The following EPS15L1 variants were observed in gnomAD, a reference collection of about 807,000 sequenced individuals.
The protein encoded by EPS15L1 is epidermal growth factor receptor substrate 15-like 1.
In EPS15L1, 43 loss-of-function variants were observed where a neutral mutation model predicts 117.1. That is an observed-to-expected ratio of 0.37 (90% CI 0.29 to 0.47). The LOEUF is 0.47. Among genes scored for constraint, EPS15L1 ranks in the 20% least tolerant of loss-of-function variants. EPS15L1 has a pLI of 0.99. For missense variants in EPS15L1, 981 were observed against 1,164.0 expected, an observed-to-expected ratio of 0.84 and a Z score of 2.29; for synonymous variants, 459 against 470.5, an observed-to-expected ratio of 0.98 and a Z score of 0.32.
chr19:16,379,632 C>T (rs2092337905), intron 21 of EPS15L1, among the ~76,000 whole-genome samples: 1 of 152,016 alleles, frequency 6.6e-6, no homozygotes, highest in African/African-American at 2.4e-5. Flanking sequence ...CACACTGACA[C>T]GGCCATCTAG....
intron 1 of EPS15L1, among the ~76,000 whole-genome samples, chr19:16,444,063 CA>C (rs545605173): frequency 2.6e-3 from 98 of 37,706 alleles, no homozygotes; most frequent in South Asian, 6.2e-3. Context: ...GACTCCGTCT[CA>C]AAAAAAAAAA....
intron 23 of EPS15L1, chr19:16,358,361 G>C (rs2092009934): frequency 6.5e-6 from 1 of 152,708 alleles, no homozygotes; most frequent in Non-Finnish European, 1.5e-5. Context: ...GGACTCCGCA[G>C]CTCCCTCTGT....
chr19:16,413,148 C>T (rs1474845704), intron 13 of EPS15L1: 2 of 664,944 alleles, frequency 3.0e-6, no homozygotes, highest in Non-Finnish European at 2.8e-6. Flanking sequence ...CACTGCCATC[C>T]GCAGGGCCAT....
At position 16,355,362 on chromosome 19, in the gene EPS15L1, G is replaced by A; in HGVS notation, c.*343C>T. ...GGGAGGGCGGGTGGGGATGTCTGCA[G>A]CTATGAGTAGGGAGGAGGCGGGGAA... On this transcript the variant is annotated 3_prime_UTR_variant, in exon 24 of 24. Coordinates refer to ENST00000455140, the MANE Select transcript of EPS15L1 (RefSeq NM_001258374.3). 1 of 286,960 alleles carries A rather than the reference G, an allele frequency of 3.5e-6. No homozygotes were observed. The highest frequency in any genetic ancestry group is 6.6e-6 in the Non-Finnish European group (1 of 152,280). The allele number at this position is 286,960 out of a possible 1,614,324, so 17.8% of individuals were successfully genotyped here. A position where few individuals can be genotyped will look rare whatever the true frequency, so the allele number is the denominator to read the frequency against.
In EPS15L1 at chr19:16,380,921, G is replaced by A. The variant is rs376221984; in HGVS notation, c.2248-3667C>T. ...CCCGTCACAGAGATATGGCTGCCTC[G>A]GACCTTGTGTAGTCCTAGAGTCGAG... is the stretch of plus-strand genomic sequence containing the variant. On this transcript the variant is annotated intron_variant, in intron 21 of 23. Coordinates refer to ENST00000455140, the MANE Select transcript of EPS15L1 (RefSeq NM_001258374.3). 4.1e-4 allele frequency among the ~76,000 whole-genome samples: 62 copies of A among 152,190 alleles called. 1 individual carries two copies. The highest frequency in any genetic ancestry group is 1.1e-3 in the African/African-American group (44 of 41,452).
intron 17 of EPS15L1, 139 bp downstream of exon 17, chr19:16,395,201 CAAAA>C (rs368177768): frequency 8.1e-3 from 3,685 of 455,000 alleles, no homozygotes; most frequent in South Asian, 0.014. Context: ...AGTTCGTCTC[CAAAA>C]AAAAAAAAAA....
chr19:16,455,618 C>T (rs991788986), intron 1 of EPS15L1, among the ~76,000 whole-genome samples: 20 of 152,220 alleles, frequency 1.3e-4, no homozygotes, highest in Admixed American at 2.0e-4. Context: ...ATGTGGAGGT[C>T]AACAGTGCTG....
intron 12 of EPS15L1, 73 bp downstream of exon 12, chr19:16,417,479 G>A: frequency 7.6e-7 from 1 of 1,308,592 alleles, no homozygotes; most frequent in African/African-American, 1.4e-5. Flanking sequence ...GTGAGCCTCT[G>A]ATATTTCCGA....
In EPS15L1 at chr19:16,404,525, G is replaced by A; in HGVS notation, c.1428+63C>T. The A allele has an allele frequency of 6.3e-7, 1 of 1,577,870 alleles. No homozygotes were observed. ...GTGTTCCCAGGTAACACGAGCTCAGGGGAGTCCTTGGGAAGCCCCTGCCTG... is the reference window on the plus strand; with the variant it reads ...GTGTTCCCAGGTAACACGAGCTCAGAGGAGTCCTTGGGAAGCCCCTGCCTG... On this transcript the variant is annotated intron_variant, in intron 14 of 23. Coordinates refer to ENST00000455140, the MANE Select transcript of EPS15L1 (RefSeq NM_001258374.3). The surrounding 1 kb of genome is among the most constrained non-coding windows in gnomAD (Gnocchi z 4.2).
intron 23 of EPS15L1, among the ~76,000 whole-genome samples, chr19:16,359,141 A>G (rs946258767): frequency 6.6e-6 from 1 of 152,192 alleles, no homozygotes; most frequent in Non-Finnish European, 1.5e-5. Flanking sequence ...GCTCCTGCAC[A>G]GGTAAAAACA....
At chr19:16,419,426 T>C (rs1443948768) in intron 10 of EPS15L1, among the ~76,000 whole-genome samples, 2 of 151,344 alleles carry the variant, frequency 1.3e-5, no homozygotes, top group Non-Finnish European at 2.9e-5. Flanking sequence ...GCCAATGCGC[T>C]CCAGCCTGGG....
At position 16,425,303 on chromosome 19, in the gene EPS15L1, A is replaced by C. The variant is rs1472347640; in HGVS notation, c.572T>G (p.Val191Gly). Residue 191 changes from valine (V) to glycine (G), a missense_variant, in exon 9 of 24, where the codon GTG (valine) becomes GGG (glycine). This residue lies in a region of EPS15L1 where 819 missense variants were observed against 949.0 expected (regional missense o/e 0.86). Transcript: ENST00000455140. The stretch of plus-strand genomic sequence containing the variant: ...GGGCTCCTTCTCCAGGGCTCGGTAC[A>C]CCAAGTGCATGGCCTGCAGGTGCAA... ...RDEFAVAMHL[V>G]YRALEKEPVP... 4.4e-6 allele frequency: 7 copies of C among 1,596,662 alleles called. No individual in the cohort carries two copies. Among genetic ancestry groups the C allele is most frequent in the Non-Finnish European group, 6.0e-6 (7 of 1,170,978 alleles).
chr19:16,393,538 A>G (rs2092504483), intron 18 of EPS15L1, among the ~76,000 whole-genome samples: 1 of 150,978 alleles, frequency 6.6e-6, no homozygotes, highest in African/African-American at 2.4e-5. Context: ...AGTCCCAGCT[A>G]CTTGGGAGGC....
At chr19:16,465,980 TTATC>T (rs2093301416) in intron 1 of EPS15L1, among the ~76,000 whole-genome samples, 1 of 151,018 alleles carries the variant, frequency 6.6e-6, no homozygotes, top group Admixed American at 6.6e-5. Flanking sequence ...TGGCCTCACT[TTATC>T]TATTTTTTTT....
chr19:16,402,099 C>T, intron 16 of EPS15L1: 1 of 1,321,884 alleles, frequency 7.6e-7, no homozygotes, highest in Non-Finnish European at 9.6e-7. Context: ...AGGATCCAGG[C>T]CTATCTTGGA....
chr19:16,415,719 C>G (rs2092752213), intron 12 of EPS15L1, among the ~76,000 whole-genome samples: 1 of 152,240 alleles, frequency 6.6e-6, no homozygotes, highest in African/African-American at 2.4e-5. Context: ...CACACACCAG[C>G]CTGTCACCTC....
At chr19:16,457,344 G>A (rs916840676) in intron 1 of EPS15L1, among the ~76,000 whole-genome samples, 2 of 152,196 alleles carry the variant, frequency 1.3e-5, no homozygotes, top group Non-Finnish European at 2.9e-5. Flanking sequence ...AGACAGGATG[G>A]AGGGCCAGTC....
Position 16,434,456 on chromosome 19 carries a change from T to C in EPS15L1, c.407A>G (p.Glu136Gly). ...EEKAKFDGIF[E>G]SLLPINGLLS... ...CAAACCATTGATGGGCAAGAGGCTTTCAAAAATCCCATCAAATTTGGCCTT... is the reference window on the plus strand; with the variant it reads ...CAAACCATTGATGGGCAAGAGGCTTCCAAAAATCCCATCAAATTTGGCCTT... Residue 136 changes from glutamate to glycine, a missense_variant, in exon 7 of 24, where the codon GAA (glutamate) becomes GGA (glycine). Glu to Gly is a moderately conservative substitution (Grantham distance 98). Transcript: ENST00000455140. 1 of 1,613,986 alleles carries C rather than the reference T, an allele frequency of 6.2e-7. No homozygotes were observed. The highest frequency in any genetic ancestry group is 8.5e-7 in the Non-Finnish European group (1 of 1,179,978).
Position 16,471,606 on chromosome 19 carries a change from C to T in EPS15L1, c.33+307G>A, listed in dbSNP as rs1389744339. Among the ~76,000 whole-genome samples the T allele has an allele frequency of 6.6e-6, 1 of 152,166 alleles. No individual in the cohort carries two copies. The highest frequency in any genetic ancestry group is 6.5e-5 in the Admixed American group (1 of 15,284). ...CCTCGCCCACCCCTCCGGGATGCAG[C>T]CCAGCGCCTCCGCGGGTCCCCGGCC... is the stretch of plus-strand genomic sequence containing the variant. On this transcript the variant is annotated intron_variant, in intron 1 of 23. Transcript: ENST00000455140. This position sits in a 1 kb window ranked among gnomAD's most constrained non-coding sequence, Gnocchi z 4.8.
Sources: gnomAD v4.1 joint callset for allele counts (sites outside exome capture counted in the v4.1 genomes callset) on GRCh38, gnomAD v4.1.1 for gene constraint, gnomAD v4.1.1 regional missense constraint, Gnocchi (gnomAD v3.1) non-coding constraint, MANE v1.5 for transcripts, NCBI Gene and HGNC (gene_info 2026-07-23, HGNC 2026-07-21) for gene names.